Variants in TGFBRAP1 observed in about 807,000 individuals in gnomAD.
TGFBRAP1 encodes the protein transforming growth factor-beta receptor-associated protein 1.
In TGFBRAP1, 20 loss-of-function variants were observed where a neutral mutation model predicts 83.2. The ratio of observed to expected loss-of-function variants is 0.24; its 90% CI spans 0.17 to 0.35. The LOEUF is 0.35. Among genes scored for constraint, TGFBRAP1 ranks in the 10% least tolerant of loss-of-function variants. TGFBRAP1 has a pLI of 1.00. For missense variants in TGFBRAP1, 950 were observed against 1,099.4 expected (o/e 0.86, Z 1.92); for synonymous variants, 415 against 459.8 (o/e 0.90, Z 1.25).
chr2:105,301,484 G>A (rs937197198), intron 2 of TGFBRAP1, among the ~76,000 whole-genome samples: 1 of 151,916 alleles, frequency 6.6e-6, no homozygotes, highest in Non-Finnish European at 1.5e-5. Flanking sequence ...CTACTAGGGA[G>A]GGTAAGGCAG....
At chr2:105,282,519 A>G (rs1444615923) in intron 5 of TGFBRAP1, among the ~76,000 whole-genome samples, 1 of 152,220 alleles carries the variant, frequency 6.6e-6, no homozygotes, top group Non-Finnish European at 1.5e-5. Context: ...TCTTAGAAGT[A>G]TCTTCTTCAA....
intron 1 of TGFBRAP1, among the ~76,000 whole-genome samples, chr2:105,314,471 C>T (rs530026751): frequency 2.0e-5 from 3 of 151,460 alleles, no homozygotes; most frequent in African/African-American, 4.8e-5. Context: ...AGGATGGTCT[C>T]GATCTCCTGA....
At chr2:105,268,779 T>C (rs903462562) in intron 11 of TGFBRAP1, among the ~76,000 whole-genome samples, 2 of 152,182 alleles carry the variant, frequency 1.3e-5, no homozygotes, top group Non-Finnish European at 2.9e-5. Context: ...GTGAGTACAG[T>C]GTGGGGACGA....
intron 4 of TGFBRAP1, among the ~76,000 whole-genome samples, chr2:105,286,298 G>A (rs560060942): frequency 2.6e-4 from 40 of 152,300 alleles, no homozygotes; most frequent in Admixed American, 8.5e-4. Context: ...AGAGAACACC[G>A]TCAGATTCCA....
chr2:105,306,977 C>T (rs1180866000), intron 2 of TGFBRAP1, among the ~76,000 whole-genome samples: 2 of 152,162 alleles, frequency 1.3e-5, no homozygotes, highest in Non-Finnish European at 2.9e-5. Context: ...TCACATCCAA[C>T]ACCGGCTGTA....
At chr2:105,306,199 A>G (rs1436740960) in intron 2 of TGFBRAP1, among the ~76,000 whole-genome samples, 1 of 150,880 alleles carries the variant, frequency 6.6e-6, no homozygotes, top group Non-Finnish European at 1.5e-5. Context: ...AGTAGCTGGG[A>G]TTACAGGCAT....
In TGFBRAP1 at chr2:105,298,227, C is replaced by T. The variant is rs1385210934; in HGVS notation, c.883+284G>A. 7.9e-5 allele frequency among the ~76,000 whole-genome samples: 12 copies of T among 152,240 alleles called. 1 individual carries two copies. The South Asian group carries it at 2.5e-3, about 32-fold the overall frequency. On this transcript the variant is annotated intron_variant, in intron 3 of 11. Transcript: ENST00000393359. ...CCTTAAAGGTTTGGCTAAAACAGCACCTCCTTCAGGAAGCCCTCCCTGATA... is the reference window on the plus strand; with the variant it reads ...CCTTAAAGGTTTGGCTAAAACAGCATCTCCTTCAGGAAGCCCTCCCTGATA...
chr2:105,306,617 G>A (rs565400149), intron 2 of TGFBRAP1, among the ~76,000 whole-genome samples: 1 of 151,940 alleles, frequency 6.6e-6, no homozygotes, highest in South Asian at 2.1e-4. Flanking sequence ...GGCCAACATG[G>A]TGAAACCCCA....
chr2:105,296,903 T>A (rs564229546), intron 3 of TGFBRAP1, among the ~76,000 whole-genome samples: 31 of 152,098 alleles, frequency 2.0e-4, no homozygotes, highest in African/African-American at 6.7e-4. Flanking sequence ...TTTTAAAACA[T>A]TCTTTTCCCT....
chr2:105,299,650 C>T (rs1262201365), intron 2 of TGFBRAP1, among the ~76,000 whole-genome samples: 3 of 151,870 alleles, frequency 2.0e-5, no homozygotes, highest in Non-Finnish European at 4.4e-5. Context: ...ATCCCAGCTA[C>T]TTGGGAGGCT....
intron 8 of TGFBRAP1, among the ~76,000 whole-genome samples, chr2:105,275,141 C>A (rs747799455): frequency 2.0e-5 from 3 of 152,208 alleles, no homozygotes; most frequent in Non-Finnish European, 4.4e-5. Flanking sequence ...CCCAGTGTGG[C>A]CCAGGTCTGG....
the TGFBRAP1 span, among the ~76,000 whole-genome samples, chr2:105,251,387 T>C: frequency 2.7e-5 from 4 of 148,572 alleles, no homozygotes; most frequent in Non-Finnish European, 6.0e-5. Context: ...CCGCCCATTG[T>C]CTGAGATGTG....
intron 1 of TGFBRAP1, among the ~76,000 whole-genome samples, chr2:105,316,580 C>T (rs1247364546): frequency 5.3e-5 from 8 of 151,716 alleles, no homozygotes; most frequent in African/African-American, 1.7e-4. Context: ...TTTGGGAGGC[C>T]GAGGCAAGTG....
At chr2:105,292,965 G>A (rs1251265098) in intron 4 of TGFBRAP1, among the ~76,000 whole-genome samples, 1 of 151,920 alleles carries the variant, frequency 6.6e-6, no homozygotes, top group East Asian at 1.9e-4. Flanking sequence ...ACAGTAATTT[G>A]AGTGTACAGG....
At chr2:105,293,090 T>C (rs934471830) in intron 4 of TGFBRAP1, among the ~76,000 whole-genome samples, 1 of 151,934 alleles carries the variant, frequency 6.6e-6, no homozygotes, top group African/African-American at 2.4e-5. Flanking sequence ...AGTGCTGATA[T>C]GGGGGAATGA....
chr2:105,260,404 G>C (rs1159723894), downstream of TGFBRAP1, among the ~76,000 whole-genome samples: 3 of 152,160 alleles, frequency 2.0e-5, no homozygotes. Flanking sequence ...GTGAGATTCT[G>C]TCTCCATAAA....
rs1427722109 is a variant in TGFBRAP1, at chr2:105,307,795, C to G, written c.507G>C (p.Gln169His). 1.2e-6 allele frequency: 2 copies of G among 1,614,180 alleles called. No homozygotes were observed. The highest frequency in any genetic ancestry group is 1.7e-6 in the Non-Finnish European group (2 of 1,180,030). ...QIVKEVSTAE[Q>H]PLAVAVDGHF... ...GGCCGTCCACAGCCACAGCGAGGGG[C>G]TGCTCGGCAGTCGACACCTCCTTGA... The change falls in exon 2 of 12, where the codon CAG becomes CAC. Residue 169 changes from glutamine (Q) to histidine (H), a missense_variant. Coordinates refer to ENST00000393359, the MANE Select transcript of TGFBRAP1 (RefSeq NM_004257.6).
chr2:105,288,898 AT>A (rs1409146160), intron 4 of TGFBRAP1, among the ~76,000 whole-genome samples: 1 of 152,196 alleles, frequency 6.6e-6, no homozygotes, highest in African/African-American at 2.4e-5. Context: ...AATATATGAT[AT>A]ATACCCTCTT....
At chr2:105,289,523 G>A (rs1296307345) in intron 4 of TGFBRAP1, among the ~76,000 whole-genome samples, 1 of 152,114 alleles carries the variant, frequency 6.6e-6, no homozygotes, top group Non-Finnish European at 1.5e-5. Flanking sequence ...TATGTATTGA[G>A]GAGCAAATAC....
Sources: allele counts gnomAD v4.1 joint callset (sites outside exome capture counted in the v4.1 genomes callset), GRCh38; gene constraint gnomAD v4.1.1; transcripts MANE v1.5; gene names NCBI Gene and HGNC (gene_info 2026-07-23, HGNC 2026-07-21).